ELP2: variants seen among roughly 807,000 people sequenced by gnomAD.
The protein encoded by ELP2 is elongator complex protein 2.
ELP2 carries 90 observed loss-of-function variants against 119.2 expected under a neutral mutation model. The ratio of observed to expected loss-of-function variants is 0.75; its 90% CI spans 0.64 to 0.90. ELP2 has a LOEUF of 0.90. Among genes scored for constraint, ELP2 ranks in the 40% least tolerant of loss-of-function variants. The pLI, the probability that ELP2 is intolerant of heterozygous loss-of-function variation, is 0.00. For synonymous variants in ELP2, 339 were observed against 331.0 expected, an observed-to-expected ratio of 1.02 and a Z score of -0.26; for missense variants, 921 against 967.8, an observed-to-expected ratio of 0.95 and a Z score of 0.64.
chr18:36,140,710 C>T (rs190452420), intron 5 of ELP2, among the ~76,000 whole-genome samples: 1 of 152,224 alleles, frequency 6.6e-6, no homozygotes, highest in African/African-American at 2.4e-5. Context: ...ACATAAAGTC[C>T]TCAAATTAAC....
chr18:36,171,098 G>T lies in ELP2; in HGVS notation c.2262G>T (p.Trp754Cys). The stretch of plus-strand genomic sequence containing the variant: ...GTGGAAAGATTTGCTTATATACCTG[G>T]AAAAAGACTGATCAAGTTCCAGAAA... ...LECGKICLYT[W>C]KKTDQVPEIN... The change falls in exon 21 of 22, where the codon TGG (tryptophan) becomes TGT (cysteine). Residue 754 changes from tryptophan to cysteine, a missense_variant. Transcript: ENST00000358232. The T allele has an allele frequency of 6.2e-7, 1 of 1,614,120 alleles. No individual in the cohort carries two copies. The highest frequency in any genetic ancestry group is 1.1e-5 in the South Asian group (1 of 91,080).
intron 11 of ELP2, among the ~76,000 whole-genome samples, chr18:36,154,204 GT>G (rs1434341480): frequency 2.6e-5 from 4 of 151,854 alleles, no homozygotes; most frequent in Non-Finnish European, 2.9e-5. Flanking sequence ...CCCACTTGAG[GT>G]TGTTCAAAAA....
Position 36,159,523 on chromosome 18 carries a change from GA to G in ELP2, c.1535-210del, listed in dbSNP as rs2090667694. 2.0e-5 allele frequency among the ~76,000 whole-genome samples: 3 copies of G among 152,326 alleles called. No individual in the cohort carries two copies. The South Asian group carries it at 6.2e-4, about 32-fold the overall frequency. ...ACTGTTAGATCAAAGAAAATGGAAAGAACCTTTATGGAGTTGATTAATGCTG... is the reference window on the plus strand; with the variant it reads ...ACTGTTAGATCAAAGAAAATGGAAAGACCTTTATGGAGTTGATTAATGCTG... On this transcript the variant is annotated intron_variant, in intron 14 of 21. Coordinates refer to ENST00000358232, the MANE Select transcript of ELP2 (RefSeq NM_018255.4).
In ELP2 at chr18:36,133,289, A is replaced by G; in HGVS notation, c.190A>G (p.Ile64Val). 6.2e-7 allele frequency: 1 copy of G among 1,613,866 alleles called. No homozygotes were observed. The highest frequency in any genetic ancestry group is 1.7e-5 in the Admixed American group (1 of 60,030). Reference sequence around the variant, plus strand: ...TGGTCACACCGCCCGAGTCAATTGCATACAGTGGATTTGTAAACAGGATGG... The same window carrying G: ...TGGTCACACCGCCCGAGTCAATTGCGTACAGTGGATTTGTAAACAGGATGG... The part of the protein sequence containing the change: ...LNGHTARVNC[I>V]QWICKQDGSP... Residue 64 changes from isoleucine to valine, a missense_variant, in exon 2 of 22, where the codon ATA becomes GTA. By Grantham distance (29) the Ile-to-Val change is conservative. Transcript: ENST00000358232.
At chr18:36,158,029 T>G (rs544123846) in intron 13 of ELP2, among the ~76,000 whole-genome samples, 4 of 152,328 alleles carry the variant, frequency 2.6e-5, no homozygotes, top group Admixed American at 2.0e-4. Flanking sequence ...GCTCCCATAC[T>G]AAGTGTTGGG....
intron 5 of ELP2, chr18:36,139,423 C>G: frequency 6.5e-7 from 1 of 1,535,362 alleles, no homozygotes; most frequent in Non-Finnish European, 8.7e-7. Flanking sequence ...CCACAGTTAC[C>G]TGGAAGACTG....
chr18:36,164,830 C>T, intron 18 of ELP2, 163 bp downstream of exon 18: 1 of 676,420 alleles, frequency 1.5e-6, no homozygotes. Flanking sequence ...ACTTGACCTT[C>T]CTTGTAAGAT....
Position 36,138,873 on chromosome 18 carries a change from G to A in ELP2, c.523+1G>A. On this transcript the variant is annotated splice_donor_variant, in intron 5 of 21. Transcript: ENST00000358232. LOFTEE classifies it high-confidence loss of function. ...TTATCTTTTTTGCCAAATACTGATG[G>A]TGAGTATCCTGTTAAGTATATGTTA... The A allele has an allele frequency of 1.9e-6, 3 of 1,611,052 alleles. No individual in the cohort carries two copies. Among genetic ancestry groups the A allele is most frequent in the Non-Finnish European group, 2.5e-6 (3 of 1,177,464 alleles).
intron 11 of ELP2, among the ~76,000 whole-genome samples, 186 bp from the exon 12 acceptor site, chr18:36,154,664 T>G (rs2090506029): frequency 6.6e-6 from 1 of 152,266 alleles, no homozygotes; most frequent in South Asian, 2.1e-4. Flanking sequence ...CAACACATAT[T>G]TGAATGCTTA....
At chr18:36,143,215 G>T (rs1294910553) in intron 8 of ELP2, among the ~76,000 whole-genome samples, 2 of 151,564 alleles carry the variant, frequency 1.3e-5, no homozygotes. Context: ...CCTGCCTCAG[G>T]TTCAAGTGAT....
rs1346700345 is a variant in ELP2 at position 36,179,699 on chromosome 18, A to G, written c.*5058A>G. ...ATGCAAAGGCAGCCTCTTCCTGCTCAGTGGAATAGGGAAATTATATCACCT... is the reference window on the plus strand; with the variant it reads ...ATGCAAAGGCAGCCTCTTCCTGCTCGGTGGAATAGGGAAATTATATCACCT... On this transcript the variant is annotated 3_prime_UTR_variant, in exon 22 of 22. Transcript: ENST00000358232. 1 of 152,252 alleles carries G rather than the reference A, an allele frequency of 6.6e-6. No individual in the cohort carries two copies. Among genetic ancestry groups the G allele is most frequent in the Admixed American group, 6.5e-5 (1 of 15,284 alleles). 9.4% of individuals were successfully genotyped at this position (152,252 alleles called of 1,614,324 possible).
At chr18:36,171,353 AG>A (rs1386933150) in intron 21 of ELP2, among the ~76,000 whole-genome samples, 193 bp downstream of exon 21, 1 of 152,196 alleles carries the variant, frequency 6.6e-6, no homozygotes, top group Non-Finnish European at 1.5e-5. Flanking sequence ...GATTTTTAAA[AG>A]TTTGCTTGAC....
chr18:36,157,916 T>TA (rs2090620862), intron 13 of ELP2, among the ~76,000 whole-genome samples: 2 of 152,292 alleles, frequency 1.3e-5, no homozygotes, highest in South Asian at 4.1e-4. Flanking sequence ...AATGGGGTTT[T>TA]ACGATTCCAT....
At position 36,174,712 on chromosome 18, in the gene ELP2, C is replaced by A; in HGVS notation, c.*71C>A. 1 of 1,475,514 alleles carries A rather than the reference C, an allele frequency of 6.8e-7. No homozygotes were observed. Among genetic ancestry groups the A allele is most frequent in the African/African-American group, 1.4e-5 (1 of 71,650 alleles). 91.4% of individuals were successfully genotyped at this position (1,475,514 alleles called of 1,614,324 possible). ...TTATCATGTAAACAGGTCATCTTTA[C>A]CTTCATAACTGAATTGAGTTTCTGG... On this transcript the variant is annotated 3_prime_UTR_variant, in exon 22 of 22. Transcript: ENST00000358232.
At chr18:36,157,475 G>C (rs1052484968) in intron 13 of ELP2, among the ~76,000 whole-genome samples, 6 of 152,146 alleles carry the variant, frequency 3.9e-5, no homozygotes, top group Non-Finnish European at 7.4e-5. Context: ...AGACTGGATA[G>C]AAGTGGGGAG....
intron 3 of ELP2, 127 bp from the exon 4 acceptor site, chr18:36,138,143 G>A (rs2089896934): frequency 3.4e-6 from 3 of 892,742 alleles, no homozygotes; most frequent in African/African-American, 1.7e-5. Context: ...CAGACTTCTT[G>A]AAAAATTCTT....
In ELP2 at chr18:36,142,334, A is replaced by G. The variant is rs2090060431; in HGVS notation, c.642A>G (p.Glu214=). The G allele has an allele frequency of 6.8e-6, 11 of 1,613,956 alleles. No homozygotes were observed. The highest frequency in any genetic ancestry group is 9.3e-6 in the Non-Finnish European group (11 of 1,179,884). ...CGHEDWIRGV[E]WAAFGRDLFL... is the part of the protein sequence containing the mutation. Reference sequence around the variant, plus strand: ...ATGAGGATTGGATTAGAGGAGTGGAATGGGCAGCCTTTGGTCAGTATGAAA... The same window carrying G: ...ATGAGGATTGGATTAGAGGAGTGGAGTGGGCAGCCTTTGGTCAGTATGAAA... Residue 214 remains glutamate (E), a synonymous_variant, in exon 7 of 22, where the codon GAA becomes GAG. Transcript: ENST00000358232.
At chr18:36,130,322 C>T (rs948873953) in intron 1 of ELP2, among the ~76,000 whole-genome samples, 20 of 152,296 alleles carry the variant, frequency 1.3e-4, no homozygotes, top group Admixed American at 9.8e-4. Flanking sequence ...CCTGTTAGTC[C>T]CACGCAGAAA....
At chr18:36,146,165 T>G in intron 10 of ELP2, 85 bp from the exon 11 acceptor site, 1 of 1,589,600 alleles carries the variant, frequency 6.3e-7, no homozygotes, top group Non-Finnish European at 8.6e-7. Context: ...ATAGTGGGAA[T>G]TTAACAGTCT....
Sources: gnomAD v4.1 joint callset for allele counts (sites outside exome capture counted in the v4.1 genomes callset) on GRCh38, gnomAD v4.1.1 for gene constraint, MANE v1.5 for transcripts, NCBI Gene and HGNC (gene_info 2026-07-23, HGNC 2026-07-21) for gene names.